The following CLASP1 variants were observed in gnomAD, a reference collection of about 807,000 sequenced individuals.
The protein encoded by CLASP1 is CLIP-associating protein 1.
A neutral mutation model predicts 192.3 loss-of-function variants in CLASP1; 38 were observed. The observed-to-expected ratio is 0.20, with a 90% CI of 0.15 to 0.26. CLASP1 has a LOEUF of 0.26. Ranked by LOEUF, CLASP1 falls within the 10% of genes least tolerant of loss-of-function variation. The pLI is 1.00. For missense variants in CLASP1, 1,433 were observed against 1,932.5 expected, an observed-to-expected ratio of 0.74 and a Z score of 4.85; for synonymous variants, 691 against 712.8, an observed-to-expected ratio of 0.97 and a Z score of 0.49.
intron 6 of CLASP1, among the ~76,000 whole-genome samples, chr2:121,523,245 G>C (rs2094497328): frequency 6.6e-6 from 1 of 152,226 alleles, no homozygotes; most frequent in African/African-American, 2.4e-5. Flanking sequence ...AACTGTTAAA[G>C]ACTCGACATT....
intron 37 of CLASP1, among the ~76,000 whole-genome samples, chr2:121,360,807 C>G (rs1420999325): frequency 3.9e-5 from 6 of 152,204 alleles, no homozygotes; most frequent in Non-Finnish European, 8.8e-5. Context: ...ATCTCCTCCA[C>G]CAGCTCTACC....
At chr2:121,567,299 C>T (rs966852305) in intron 2 of CLASP1, among the ~76,000 whole-genome samples, 2 of 152,190 alleles carry the variant, frequency 1.3e-5, no homozygotes, top group Non-Finnish European at 2.9e-5. Flanking sequence ...AAACAAAGCC[C>T]TTGCCCTCTG....
chr2:121,570,823 T>C (rs1010371994), intron 2 of CLASP1, among the ~76,000 whole-genome samples: 5 of 152,174 alleles, frequency 3.3e-5, no homozygotes, highest in Non-Finnish European at 5.9e-5. Flanking sequence ...AAAACTCATT[T>C]TCTGGATTTA....
At chr2:121,393,034 T>C (rs774481673) in intron 30 of CLASP1, among the ~76,000 whole-genome samples, 13 of 152,208 alleles carry the variant, frequency 8.5e-5, no homozygotes, top group Non-Finnish European at 1.8e-4. Context: ...AAACAAAATA[T>C]TAAAAATGCT....
chr2:121,347,313 C>G (rs551479312), intron 38 of CLASP1, among the ~76,000 whole-genome samples, 159 bp from the exon 40 acceptor site: 6 of 152,336 alleles, frequency 3.9e-5, no homozygotes, highest in South Asian at 2.1e-4. Flanking sequence ...ATCCAGACAG[C>G]TTTCACCCCA....
At position 121,365,513 on chromosome 2, in the gene CLASP1, C is replaced by A. The variant is rs896527358; in HGVS notation, c.3887-229G>T. On this transcript the variant is annotated intron_variant, in intron 35 of 39. Coordinates refer to ENST00000263710, the Ensembl canonical transcript of CLASP1. ...TGTGAAAGCAGAGGTGCGAGACCAG[C>A]TGTCCAGTACCAACAGTCAATGTCT... is the stretch of plus-strand genomic sequence containing the variant. 5.9e-5 allele frequency among the ~76,000 whole-genome samples: 9 copies of A among 152,238 alleles called. No individual in the cohort carries two copies. The East Asian group carries it at 1.5e-3, about 26-fold the overall frequency.
intron 2 of CLASP1, among the ~76,000 whole-genome samples, chr2:121,600,818 C>A (rs993081276): frequency 6.6e-6 from 1 of 152,202 alleles, no homozygotes; most frequent in Non-Finnish European, 1.5e-5. Flanking sequence ...AAGTATCCAC[C>A]CTCCTTCACA....
At chr2:121,593,626 CAA>C (rs61315745) in intron 2 of CLASP1, among the ~76,000 whole-genome samples, 6 of 50,710 alleles carry the variant, frequency 1.2e-4, no homozygotes, top group Non-Finnish European at 2.1e-4. Context: ...AACTCCGTCT[CAA>C]AAAAAAAAAA....
intron 1 of CLASP1, among the ~76,000 whole-genome samples, chr2:121,612,812 G>T (rs180814846): frequency 1.3e-4 from 20 of 152,306 alleles, no homozygotes; most frequent in African/African-American, 4.3e-4. Context: ...GCCCTTGCCT[G>T]CCTTTAGTGA....
Position 121,401,740 on chromosome 2 carries a change from A to T in CLASP1, c.2737-68T>A, listed in dbSNP as rs2076177648. Reference sequence around the variant, plus strand: ...CGATCTCCTCCAAAGTCTACAAAACATTAAAAATGCCCATACGTGCTTTGC... The same window carrying T: ...CGATCTCCTCCAAAGTCTACAAAACTTTAAAAATGCCCATACGTGCTTTGC... On this transcript the variant is annotated intron_variant, in intron 27 of 39. Coordinates refer to ENST00000263710, the Ensembl canonical transcript of CLASP1. The T allele has an allele frequency of 6.6e-6, 9 of 1,354,260 alleles. No homozygotes were observed. The South Asian group carries it at 1.1e-4, about 16-fold the overall frequency. The allele number at this position is 1,354,260 out of a possible 1,614,324, so 83.9% of individuals were successfully genotyped here.
chr2:121,643,783 G>A (rs527967764), intron 1 of CLASP1, among the ~76,000 whole-genome samples: 89 of 152,100 alleles, frequency 5.9e-4, no homozygotes, highest in African/African-American at 2.1e-3. Context: ...TATTACTTGG[G>A]GAATTTTAAA....
chr2:121,567,008 G>C (rs918459317), intron 2 of CLASP1, among the ~76,000 whole-genome samples: 1 of 152,192 alleles, frequency 6.6e-6, no homozygotes, highest in South Asian at 2.1e-4. Flanking sequence ...CAGGGGAAGA[G>C]TTTGGGTTCT....
At chr2:121,390,197 C>T (rs904403610) in intron 30 of CLASP1, among the ~76,000 whole-genome samples, 1 of 152,098 alleles carries the variant, frequency 6.6e-6, no homozygotes, top group African/African-American at 2.4e-5. Context: ...ATCATTACCA[C>T]CAATATGATC....
chr2:121,604,591 C>A (rs1203829833), intron 2 of CLASP1, among the ~76,000 whole-genome samples: 2 of 152,126 alleles, frequency 1.3e-5, no homozygotes, highest in African/African-American at 4.8e-5. Context: ...TTGCTTGAGC[C>A]CAGGAGGTGG....
intron 22 of CLASP1, among the ~76,000 whole-genome samples, chr2:121,422,543 A>C (rs563116094): frequency 1.8e-4 from 28 of 152,322 alleles, no homozygotes; most frequent in African/African-American, 6.5e-4. Flanking sequence ...ATAAAGTATT[A>C]TCTTTAAGAC....
chr2:121,502,746 C>G (rs1031692399), intron 8 of CLASP1, among the ~76,000 whole-genome samples: 1 of 152,104 alleles, frequency 6.6e-6, no homozygotes, highest in African/African-American at 2.4e-5. Context: ...AAGATTAACA[C>G]CACCCGACTT....
At chr2:121,633,901 G>A (rs1329370087) in intron 1 of CLASP1, among the ~76,000 whole-genome samples, 1 of 151,936 alleles carries the variant, frequency 6.6e-6, no homozygotes, top group Non-Finnish European at 1.5e-5. Flanking sequence ...CCGCTACTCG[G>A]TAGGCTGAGG....
At chr2:121,459,835 T>C in intron 12 of CLASP1, 145 bp downstream of exon 12, 1 of 611,298 alleles carries the variant, frequency 1.6e-6, no homozygotes, top group Non-Finnish European at 2.5e-6. Flanking sequence ...GTAAAACTAC[T>C]GAAAGAAGTG....
chr2:121,446,304 T>C (rs1441037331), intron 19 of CLASP1, among the ~76,000 whole-genome samples: 2 of 152,212 alleles, frequency 1.3e-5, no homozygotes, highest in African/African-American at 4.8e-5. Flanking sequence ...GTGGCTATTA[T>C]TACAAGTAAT....
Sources: allele counts gnomAD v4.1 joint callset (sites outside exome capture counted in the v4.1 genomes callset), GRCh38; gene constraint gnomAD v4.1.1; transcripts MANE v1.5; gene names NCBI Gene and HGNC (gene_info 2026-07-23, HGNC 2026-07-21).